Variants in SPAG9 observed in about 807,000 individuals in gnomAD.
SPAG9 encodes sperm associated antigen 9, also known as C-Jun-amino-terminal kinase-interacting protein 4.
Under a neutral mutation model 166.5 loss-of-function variants are expected in SPAG9, and 35 were observed. The observed-to-expected ratio is 0.21, with a 90% CI of 0.16 to 0.28. SPAG9 has a LOEUF of 0.28. SPAG9 is among the 10% of genes least tolerant of loss of function. The pLI, the probability that SPAG9 is intolerant of heterozygous loss-of-function variation, is 1.00. For synonymous variants in SPAG9, 534 were observed against 565.5 expected, an observed-to-expected ratio of 0.94 and a Z score of 0.79; for missense variants, 1,235 against 1,603.3, an observed-to-expected ratio of 0.77 and a Z score of 3.92.
intron 2 of SPAG9, among the ~76,000 whole-genome samples, chr17:51,072,165 AG>A (rs2047838033): frequency 6.6e-6 from 1 of 151,842 alleles, no homozygotes; most frequent in Admixed American, 6.6e-5. Context: ...TCCGCCTCCC[AG>A]GTTAAAGCAA....
chr17:50,992,089 T>A (rs995691753), intron 19 of SPAG9, among the ~76,000 whole-genome samples: 4 of 151,894 alleles, frequency 2.6e-5, no homozygotes, highest in Admixed American at 6.6e-5. Context: ...GGTCTCACTA[T>A]ATTGCCCAGA....
chr17:51,100,685 C>A (rs896732101), intron 1 of SPAG9, among the ~76,000 whole-genome samples: 2 of 152,122 alleles, frequency 1.3e-5, no homozygotes, highest in African/African-American at 4.8e-5. Flanking sequence ...TTTGGGACGC[C>A]AAGGCGGGAG....
At position 51,037,689 on chromosome 17, in the gene SPAG9, T is replaced by TATATATATATATATA. The variant is rs1568028348; in HGVS notation, c.741+3811_741+3812insTATATATATATATAT. Reference sequence around the variant, plus strand: ...TTTATATATATATATATATATAGTGTGTGTGTGTGTGTGTGTGTGTGTGTG... The same window carrying TATATATATATATATA: ...TTTATATATATATATATATATAGTGTATATATATATATATAGTGTGTGTGTGTGTGTGTGTGTGTG... On this transcript the variant is annotated intron_variant, in intron 5 of 29. Coordinates refer to ENST00000262013, the MANE Select transcript of SPAG9 (RefSeq NM_001130528.3). Among the ~76,000 whole-genome samples, 43 of 82,578 alleles carry TATATATATATATATA rather than the reference T, an allele frequency of 5.2e-4. 2 individuals are homozygous for TATATATATATATATA. The highest frequency in any genetic ancestry group is 1.7e-3 in the African/African-American group (40 of 23,794). 54.2% of individuals were successfully genotyped at this position (82,578 alleles called of 152,430 possible).
chr17:51,109,425 C>T (rs896674425), intron 1 of SPAG9, among the ~76,000 whole-genome samples: 2 of 151,774 alleles, frequency 1.3e-5, no homozygotes, highest in African/African-American at 2.4e-5. Context: ...TTAGTAGAGA[C>T]GGGGTTTCAC....
chr17:51,089,598 A>G (rs2048394689), intron 1 of SPAG9, among the ~76,000 whole-genome samples: 1 of 133,978 alleles, frequency 7.5e-6, no homozygotes, highest in African/African-American at 2.9e-5. Flanking sequence ...TACTTATTAT[A>G]TGTATATATA....
At chr17:51,067,418 T>C (rs1305358569) in intron 2 of SPAG9, among the ~76,000 whole-genome samples, 6 of 152,156 alleles carry the variant, frequency 3.9e-5, no homozygotes, top group Non-Finnish European at 7.4e-5. Context: ...AAAGCCCACC[T>C]GGCAAGGACT....
intron 1 of SPAG9, among the ~76,000 whole-genome samples, chr17:51,117,100 C>A (rs2049312045): frequency 6.6e-6 from 1 of 152,004 alleles, no homozygotes; most frequent in Non-Finnish European, 1.5e-5. Context: ...TTAAAGAATC[C>A]CTAAAACAGC....
In SPAG9 at chr17:51,044,653, G is replaced by A. The variant is rs544202341; in HGVS notation, c.590+2722C>T. Among the ~76,000 whole-genome samples the A allele has an allele frequency of 2.2e-4, 33 of 152,224 alleles. No individual in the cohort carries two copies. The South Asian group carries it at 2.7e-3, about 12-fold the overall frequency. On this transcript the variant is annotated intron_variant, in intron 4 of 29. Coordinates refer to ENST00000262013, the MANE Select transcript of SPAG9 (RefSeq NM_001130528.3). ...AGCTAGATGACTTATTTACATTATC[G>A]CATTTAATCCTTATCAAGAAACAGG...
chr17:50,991,687 A>G (rs1271919442), intron 19 of SPAG9, among the ~76,000 whole-genome samples: 2 of 151,302 alleles, frequency 1.3e-5, no homozygotes, highest in Non-Finnish European at 2.9e-5. Flanking sequence ...GCAATGGTAC[A>G]GTCTCGGCTC....
Position 50,990,456 on chromosome 17 carries a change from G to T in SPAG9, c.2611C>A (p.Pro871Thr). The change falls in exon 20 of 30, where the codon CCA becomes ACA. Residue 871 changes from proline (P) to threonine (T), a missense_variant. Coordinates refer to ENST00000262013, the MANE Select transcript of SPAG9 (RefSeq NM_001130528.3). ...GTAAAGAGAATGGATATACCTGGTG[G>T]TTTATCCATCACTGGAGAAGCACCA... is the stretch of plus-strand genomic sequence containing the variant. ...TNGASPVMDK[P>T]PEMEAENSEV... is the part of the protein sequence containing the mutation. 6.2e-7 allele frequency: 1 copy of T among 1,612,280 alleles called. No homozygotes were observed. Among genetic ancestry groups the T allele is most frequent in the Non-Finnish European group, 8.5e-7 (1 of 1,178,272 alleles).
At chr17:50,990,318 A>G (rs535388647) in intron 20 of SPAG9, 132 bp downstream of exon 20, 23 of 748,608 alleles carry the variant, frequency 3.1e-5, no homozygotes, top group Non-Finnish European at 5.1e-5. Flanking sequence ...GTGAGCCACC[A>G]CGCCCGGCCT....
chr17:51,060,332 G>A (rs924422598), intron 2 of SPAG9, among the ~76,000 whole-genome samples: 3 of 151,888 alleles, frequency 2.0e-5, no homozygotes, highest in African/African-American at 7.2e-5. Context: ...GTGAAACCCT[G>A]TTTCTACTAA....
intron 29 of SPAG9, among the ~76,000 whole-genome samples, chr17:50,969,209 C>T (rs564739510): frequency 1.4e-4 from 22 of 152,222 alleles, no homozygotes; most frequent in African/African-American, 4.1e-4. Flanking sequence ...ATGCTGACAG[C>T]CCCCAAATCC....
chr17:51,056,266 T>C (rs982738572), intron 3 of SPAG9, 146 bp downstream of exon 3: 5 of 641,808 alleles, frequency 7.8e-6, no homozygotes, highest in Non-Finnish European at 1.4e-5. Flanking sequence ...AAATGCCACA[T>C]GAAATTTAAT....
intron 25 of SPAG9, among the ~76,000 whole-genome samples, 170 bp from the exon 26 acceptor site, chr17:50,980,087 A>G (rs1166885126): frequency 6.6e-6 from 1 of 152,358 alleles, no homozygotes; most frequent in East Asian, 1.9e-4. Context: ...AATGCAAAAA[A>G]TAAAGAACTA....
intron 13 of SPAG9, among the ~76,000 whole-genome samples, chr17:51,000,016 T>C (rs1223736836): frequency 6.6e-6 from 1 of 152,234 alleles, no homozygotes; most frequent in Non-Finnish European, 1.5e-5. Flanking sequence ...AATTTTTTAT[T>C]GAAAAGATAC....
intron 3 of SPAG9, among the ~76,000 whole-genome samples, chr17:51,054,756 A>C (rs931066523): frequency 6.6e-6 from 1 of 151,942 alleles, no homozygotes; most frequent in African/African-American, 2.4e-5. Flanking sequence ...ATTTTTTACC[A>C]CTGAAAAAGC....
chr17:51,048,044 TTGAC>T (rs898347469), intron 3 of SPAG9, among the ~76,000 whole-genome samples: 4 of 152,230 alleles, frequency 2.6e-5, no homozygotes, highest in Middle Eastern at 6.9e-3. Flanking sequence ...ACTTTCTCCT[TTGAC>T]TGTTACTGGT....
intron 1 of SPAG9, among the ~76,000 whole-genome samples, chr17:51,119,846 A>C (rs985244595): frequency 6.6e-6 from 1 of 152,196 alleles, no homozygotes; most frequent in African/African-American, 2.4e-5. Flanking sequence ...CTTTCTCAAC[A>C]AGATTAAAAC....
Sources: gnomAD v4.1 joint callset for allele counts (sites outside exome capture counted in the v4.1 genomes callset) on GRCh38, gnomAD v4.1.1 for gene constraint, MANE v1.5 for transcripts, NCBI Gene and HGNC (gene_info 2026-07-23, HGNC 2026-07-21) for gene names.